Variants in KCNH1 observed in about 807,000 individuals in gnomAD.
KCNH1 encodes the protein voltage-gated delayed rectifier potassium channel KCNH1.
Under a neutral mutation model 69.2 loss-of-function variants are expected in KCNH1, and 27 were observed. That is an observed-to-expected ratio of 0.39 (90% confidence interval 0.29 to 0.54). KCNH1 has a LOEUF of 0.54. Among genes scored for constraint, KCNH1 ranks in the 20% least tolerant of loss-of-function variants. The probability of loss-of-function intolerance (pLI) is 0.68; values close to 1 mark genes in which losing one functional copy is unlikely to be tolerated. For synonymous variants in KCNH1, 456 were observed against 487.7 expected (o/e 0.93, Z 0.86); for missense variants, 798 against 1,261.6 (o/e 0.63, Z 5.57).
At chr1:210,936,825 C>G (rs1408978485) in intron 6 of KCNH1, among the ~76,000 whole-genome samples, 1 of 151,652 alleles carries the variant, frequency 6.6e-6, no homozygotes, top group Non-Finnish European at 1.5e-5. Context: ...CTGGAAACCA[C>G]TCCAACTCTG....
chr1:210,921,142 A>G (rs1687451515), intron 6 of KCNH1, among the ~76,000 whole-genome samples: 1 of 152,180 alleles, frequency 6.6e-6, no homozygotes, highest in Admixed American at 6.5e-5. Context: ...TTCTCCATAC[A>G]CTAACATACT....
intron 5 of KCNH1, among the ~76,000 whole-genome samples, chr1:211,052,771 G>A (rs4072437): frequency 0.044 from 6,680 of 152,276 alleles, 269 homozygotes; most frequent in East Asian, 0.12. Flanking sequence ...ACAGCAGCAC[G>A]CAGGTCACTC....
chr1:210,961,973 C>T (rs1402562502), intron 6 of KCNH1, among the ~76,000 whole-genome samples: 1 of 152,186 alleles, frequency 6.6e-6, no homozygotes, highest in East Asian at 1.9e-4. Context: ...CCAAGTATTG[C>T]TCTCTCTAAT....
At chr1:210,913,392 G>C (rs1199926998) in intron 7 of KCNH1, among the ~76,000 whole-genome samples, 1 of 151,320 alleles carries the variant, frequency 6.6e-6, no homozygotes, top group Non-Finnish European at 1.5e-5. Context: ...AAAAGAAAAA[G>C]TTAACTGGGA....
chr1:211,097,782 C>T (rs941729050), intron 3 of KCNH1, among the ~76,000 whole-genome samples: 2 of 152,216 alleles, frequency 1.3e-5, no homozygotes, highest in Non-Finnish European at 2.9e-5. Context: ...TGTCAGATGC[C>T]TTTCCCTGGG....
At chr1:210,814,726 G>A (rs1482669992) in intron 7 of KCNH1, among the ~76,000 whole-genome samples, 1 of 152,134 alleles carries the variant, frequency 6.6e-6, no homozygotes, top group African/African-American at 2.4e-5. Flanking sequence ...CACAATGCTG[G>A]ATGGAACAGA....
At chr1:210,859,346 G>T in intron 7 of KCNH1, 1 of 1,520,222 alleles carries the variant, frequency 6.6e-7, no homozygotes, top group Non-Finnish European at 9.1e-7. Flanking sequence ...TTAAGACCAT[G>T]AGTCAGACCC....
intron 5 of KCNH1, among the ~76,000 whole-genome samples, chr1:211,078,337 T>C (rs2211038): frequency 0.75 from 114,293 of 152,048 alleles, 43,567 homozygotes; most frequent in South Asian, 0.82. Context: ...CACCACATCA[T>C]ACTTATTCCA....
At chr1:211,050,272 A>AAAAAAAAAAAAAAAAAAAC in intron 5 of KCNH1, among the ~76,000 whole-genome samples, 1 of 89,264 alleles carries the variant, frequency 1.1e-5, no homozygotes, top group Non-Finnish European at 2.7e-5. Context: ...AAAAAAAAAA[A>AAAAAAAAAAAAAAAAAAAC]AAAAAAAAAA....
At chr1:210,753,719 CT>C (rs1329472124) in intron 10 of KCNH1, among the ~76,000 whole-genome samples, 1 of 152,122 alleles carries the variant, frequency 6.6e-6, no homozygotes, top group African/African-American at 2.4e-5. Context: ...ATTACATGTA[CT>C]TTCTATTCTC....
chr1:211,086,143 C>A (rs753753957), intron 4 of KCNH1, among the ~76,000 whole-genome samples: 1 of 152,188 alleles, frequency 6.6e-6, no homozygotes, highest in Non-Finnish European at 1.5e-5. Context: ...AGGCTAGGCA[C>A]CCAACAGGTG....
chr1:210,971,762 A>G (rs972482680), intron 6 of KCNH1, among the ~76,000 whole-genome samples: 74 of 152,196 alleles, frequency 4.9e-4, no homozygotes, highest in Middle Eastern at 6.8e-3. Flanking sequence ...GTACATTTTT[A>G]TATTATCTGA....
chr1:210,775,256 A>C, intron 10 of KCNH1, 92 bp downstream of exon 10: 1 of 1,096,090 alleles, frequency 9.1e-7, no homozygotes, highest in African/African-American at 1.6e-5. Context: ...CTCTACTTAA[A>C]TAAACAGCAA....
chr1:210,995,230 C>G (rs1266530664), intron 6 of KCNH1, among the ~76,000 whole-genome samples: 1 of 152,096 alleles, frequency 6.6e-6, no homozygotes, highest in East Asian at 1.9e-4. Flanking sequence ...ATTCAAGAGG[C>G]TTATATTTTT....
chr1:210,718,519 GTA>G lies in KCNH1; in HGVS notation c.2113-34383_2113-34382del, dbSNP rs1184542099. Among the ~76,000 whole-genome samples the G allele has an allele frequency of 3.2e-4, 7 of 21,608 alleles. 1 individual carries two copies. Among genetic ancestry groups the G allele is most frequent in the African/African-American group, 8.2e-4 (3 of 3,664 alleles). The allele number at this position is 21,608 out of a possible 152,430, so 14.2% of individuals were successfully genotyped here. ...ATATATATAAAATATATACATATAT[GTA>G]TATATATAAAATATATACATATATG... is the stretch of plus-strand genomic sequence containing the variant. On this transcript the variant is annotated intron_variant, in intron 10 of 10. Coordinates refer to ENST00000271751, the MANE Select transcript of KCNH1 (RefSeq NM_172362.3).
rs886295209 is a variant in KCNH1, at chr1:210,859,507, T to C, written c.1463-55341A>G. ...ATCACCTTCTTCCCAATCTTCATCA[T>C]CTCCATCTTCACCTGCCTGCTTAGC... On this transcript the variant is annotated intron_variant, in intron 7 of 10. Coordinates refer to ENST00000271751, the MANE Select transcript of KCNH1 (RefSeq NM_172362.3). The C allele has an allele frequency of 1.7e-5, 27 of 1,602,318 alleles. No individual in the cohort carries two copies. In the Middle Eastern group the frequency reaches 6.6e-4, roughly 39 times the overall value.
intron 6 of KCNH1, among the ~76,000 whole-genome samples, chr1:210,993,665 C>T (rs1688973179): frequency 6.6e-6 from 1 of 152,212 alleles, no homozygotes; most frequent in African/African-American, 2.4e-5. Flanking sequence ...TCTTTGTGCT[C>T]CCTTTTCTAT....
chr1:210,936,684 T>C (rs1209403173), intron 6 of KCNH1, among the ~76,000 whole-genome samples: 1 of 152,214 alleles, frequency 6.6e-6, no homozygotes, highest in East Asian at 1.9e-4. Flanking sequence ...CTGAATCTTT[T>C]ATCCTGGCTT....
intron 7 of KCNH1, among the ~76,000 whole-genome samples, chr1:210,815,681 C>T (rs1184578560): frequency 6.6e-6 from 1 of 152,182 alleles, no homozygotes; most frequent in Non-Finnish European, 1.5e-5. Context: ...ATGTCCACTA[C>T]AGAACTTTCA....
Sources: gnomAD v4.1 joint callset for allele counts (sites outside exome capture counted in the v4.1 genomes callset) on GRCh38, gnomAD v4.1.1 for gene constraint, MANE v1.5 for transcripts, NCBI Gene and HGNC (gene_info 2026-07-23, HGNC 2026-07-21) for gene names.